The following PLS1 variants were observed in gnomAD, a reference collection of about 807,000 sequenced individuals.
PLS1 encodes the protein plastin-1.
PLS1 carries 32 observed loss-of-function variants against 73.7 expected under a neutral mutation model. That is an observed-to-expected ratio of 0.43 (90% CI 0.33 to 0.58). PLS1 has a LOEUF of 0.58. Ranked by LOEUF, PLS1 falls within the 20% of genes least tolerant of loss-of-function variation. PLS1 has a pLI of 0.04. For missense variants in PLS1, 633 were observed against 740.5 expected (o/e 0.85, Z 1.68); for synonymous variants, 217 against 261.3 (o/e 0.83, Z 1.63).
At chr3:142,616,581 T>A (rs764000891) in intron 1 of PLS1, among the ~76,000 whole-genome samples, 1 of 152,142 alleles carries the variant, frequency 6.6e-6, no homozygotes, top group Non-Finnish European at 1.5e-5. Flanking sequence ...TGTTGAATTG[T>A]GTGTGTTGTT....
At position 142,703,977 on chromosome 3, in the gene PLS1, C is replaced by T. The variant is rs2038394281; in HGVS notation, c.1481C>T (p.Ala494Val). Residue 494 changes from alanine to valine, a missense_variant, in exon 13 of 16, where the codon GCA becomes GTA. Coordinates refer to ENST00000457734, the MANE Select transcript of PLS1 (RefSeq NM_001145319.2). ...GAAGGGAATTCAACACTTACCCTGGCATTGGTATGGCAGCTGATGAGAAGG... is the reference window on the plus strand; with the variant it reads ...GAAGGGAATTCAACACTTACCCTGGTATTGGTATGGCAGCTGATGAGAAGG... ...LNEGNSTLTL[A>V]LVWQLMRRYT... 6.2e-7 allele frequency: 1 copy of T among 1,613,926 alleles called. No homozygotes were observed. The highest frequency in any genetic ancestry group is 8.5e-7 in the Non-Finnish European group (1 of 1,179,840).
chr3:142,654,091 G>A (rs1201328631), intron 1 of PLS1, among the ~76,000 whole-genome samples: 2 of 152,160 alleles, frequency 1.3e-5, no homozygotes, highest in Non-Finnish European at 2.9e-5. Flanking sequence ...GCCACTGAAG[G>A]CCATCCCAAA....
At chr3:142,688,458 T>C (rs1376112412) in intron 9 of PLS1, among the ~76,000 whole-genome samples, 3 of 152,182 alleles carry the variant, frequency 2.0e-5, no homozygotes, top group African/African-American at 7.2e-5. Context: ...TGTTTTGAAA[T>C]TGTAACAAGC....
chr3:142,710,312 C>T (rs1010138879), intron 14 of PLS1, among the ~76,000 whole-genome samples: 1 of 151,996 alleles, frequency 6.6e-6, no homozygotes, highest in Non-Finnish European at 1.5e-5. Context: ...GGAGGGGTTG[C>T]TGGCTTTCCA....
chr3:142,613,017 C>T (rs920453123), intron 1 of PLS1, among the ~76,000 whole-genome samples: 21 of 152,228 alleles, frequency 1.4e-4, no homozygotes, highest in African/African-American at 4.8e-4. Flanking sequence ...CTGCCTGCCT[C>T]CGCCTCCCAA....
At chr3:142,607,342 C>T (rs1380084631) in intron 1 of PLS1, among the ~76,000 whole-genome samples, 3 of 152,094 alleles carry the variant, frequency 2.0e-5, no homozygotes, top group Admixed American at 6.6e-5. Context: ...TGCAGTGGTG[C>T]GATCTCGGCT....
intron 12 of PLS1, among the ~76,000 whole-genome samples, chr3:142,699,060 A>T: frequency 6.6e-6 from 1 of 152,204 alleles, no homozygotes; most frequent in East Asian, 1.9e-4. Context: ...ATGAGGACAC[A>T]TGGACACAGG....
intron 1 of PLS1, among the ~76,000 whole-genome samples, chr3:142,658,785 T>C (rs146302108): frequency 0.022 from 3,311 of 152,326 alleles, 61 homozygotes; most frequent in Middle Eastern, 0.037. Flanking sequence ...AATGTAAATA[T>C]AGTTGGAAGA....
intron 1 of PLS1, among the ~76,000 whole-genome samples, chr3:142,660,696 A>G (rs940948884): frequency 3.3e-5 from 5 of 152,164 alleles, no homozygotes; most frequent in African/African-American, 1.2e-4. Flanking sequence ...AGATCCTTTT[A>G]TATTTTTCTG....
intron 6 of PLS1, among the ~76,000 whole-genome samples, chr3:142,682,496 G>A (rs1022952456): frequency 3.3e-5 from 5 of 152,148 alleles, no homozygotes; most frequent in African/African-American, 1.2e-4. Flanking sequence ...GTTCTTACTA[G>A]TATTGCAATC....
intron 1 of PLS1, among the ~76,000 whole-genome samples, chr3:142,600,916 A>ATATATTTT (rs1560024585): frequency 2.0e-4 from 3 of 14,834 alleles, no homozygotes; most frequent in Non-Finnish European, 2.2e-4. Flanking sequence ...ATATATATAT[A>ATATATTTT]TTTTTTTTTT....
chr3:142,666,540 A>G (rs973002933), intron 2 of PLS1, among the ~76,000 whole-genome samples: 10 of 152,104 alleles, frequency 6.6e-5, no homozygotes, highest in African/African-American at 2.4e-4. Context: ...TTGCTTATCC[A>G]TTCATCCACT....
intron 15 of PLS1, 120 bp downstream of exon 15, chr3:142,711,745 G>A: frequency 1.5e-5 from 19 of 1,280,290 alleles, no homozygotes; most frequent in Non-Finnish European, 2.1e-5. Context: ...GTGAGTCTTA[G>A]ATTTAAGACT....
intron 6 of PLS1, among the ~76,000 whole-genome samples, chr3:142,681,972 T>C (rs567745507): frequency 4.4e-4 from 67 of 152,346 alleles, no homozygotes; most frequent in Non-Finnish European, 8.4e-4. Flanking sequence ...GCGGTTTTTC[T>C]CCTGTATGAC....
intron 1 of PLS1, among the ~76,000 whole-genome samples, chr3:142,627,059 G>A (rs998454686): frequency 6.6e-6 from 1 of 152,166 alleles, no homozygotes; most frequent in Admixed American, 6.5e-5. Flanking sequence ...TATTTGTAAA[G>A]CTAATTTTGT....
At chr3:142,643,762 T>C (rs1208938721) in intron 1 of PLS1, among the ~76,000 whole-genome samples, 1 of 152,204 alleles carries the variant, frequency 6.6e-6, no homozygotes, top group African/African-American at 2.4e-5. Context: ...TTGAATTCTC[T>C]TTAAAACTAT....
chr3:142,689,933 G>GT, intron 10 of PLS1, 120 bp downstream of exon 10: 1 of 536,210 alleles, frequency 1.9e-6, no homozygotes, highest in Non-Finnish European at 3.1e-6. Flanking sequence ...GTAGGTATGT[G>GT]TATCTATTGA....
chr3:142,620,070 T>C (rs2036286924), intron 1 of PLS1, among the ~76,000 whole-genome samples: 1 of 152,122 alleles, frequency 6.6e-6, no homozygotes, highest in African/African-American at 2.4e-5. Context: ...CCAGTTGCTG[T>C]CATTCTCAGG....
chr3:142,697,756 C>T (rs530560706), intron 11 of PLS1, among the ~76,000 whole-genome samples, 197 bp from the exon 12 acceptor site: 28 of 152,192 alleles, frequency 1.8e-4, no homozygotes, highest in Non-Finnish European at 3.8e-4. Context: ...GGATGTATAC[C>T]TTTGTAAATA....
Sources: allele counts gnomAD v4.1 joint callset (sites outside exome capture counted in the v4.1 genomes callset), GRCh38; gene constraint gnomAD v4.1.1; transcripts MANE v1.5; gene names NCBI Gene and HGNC (gene_info 2026-07-23, HGNC 2026-07-21).